The following NAALADL2 variants were observed in gnomAD, a reference collection of about 807,000 sequenced individuals.
NAALADL2 encodes N-acetylated alpha-linked acidic dipeptidase like 2, also known as inactive N-acetylated-alpha-linked acidic dipeptidase-like protein 2.
In NAALADL2, 76 loss-of-function variants were observed where a neutral mutation model predicts 87.2. That is an observed-to-expected ratio of 0.87 (90% CI 0.72 to 1.05). The LOEUF (loss-of-function observed/expected upper bound fraction) is 1.05, where lower values mean the gene tolerates loss of function less well. Among genes scored for constraint, NAALADL2 ranks in the 50% least tolerant of loss-of-function variants. The pLI is 0.00. For missense variants in NAALADL2, 1,089 were observed against 945.8 expected, an observed-to-expected ratio of 1.15 and a Z score of -1.99; for synonymous variants, 354 against 331.0, an observed-to-expected ratio of 1.07 and a Z score of -0.75.
Position 175,717,995 on chromosome 3 carries a change from G to T in NAALADL2, c.1897-19311G>T, listed in dbSNP as rs541335388. Among the ~76,000 whole-genome samples, 101 of 150,544 alleles carry T rather than the reference G, an allele frequency of 6.7e-4. 2 individuals carry two copies. The highest frequency in any genetic ancestry group is 9.3e-4 in the African/African-American group (38 of 40,688). Reference sequence around the variant, plus strand: ...CAGCTAACTTTGCTTGTATTTTTTTGTTGTTGTTGTTATAGCACAACTTAT... The same window carrying T: ...CAGCTAACTTTGCTTGTATTTTTTTTTTGTTGTTGTTATAGCACAACTTAT... On this transcript the variant is annotated intron_variant, in intron 11 of 13. Transcript: ENST00000454872.
rs115284900 is a variant in NAALADL2, at chr3:175,214,958, G to T, written c.546-18973G>T. Among the ~76,000 whole-genome samples, 1,305 of 152,174 alleles carry T rather than the reference G, an allele frequency of 8.6e-3. 3 individuals are homozygous for T. The highest frequency in any genetic ancestry group is 0.017 in the Middle Eastern group (5 of 294). On this transcript the variant is annotated intron_variant, in intron 2 of 13. Coordinates refer to ENST00000454872, the MANE Select transcript of NAALADL2 (RefSeq NM_207015.3). ...CAAGGTATTTTTGTCAATTAATGGGGTTTACTAATTCACTACATGTTTATG... is the reference window on the plus strand; with the variant it reads ...CAAGGTATTTTTGTCAATTAATGGGTTTTACTAATTCACTACATGTTTATG...
At position 175,672,498 on chromosome 3, in the gene NAALADL2, T is replaced by G. The variant is rs1342348483; in HGVS notation, c.1896+45112T>G. Among the ~76,000 whole-genome samples, 4 of 152,172 alleles carry G rather than the reference T, an allele frequency of 2.6e-5. No individual in the cohort carries two copies. In the East Asian group the frequency reaches 5.8e-4, roughly 22 times the overall value. The stretch of plus-strand genomic sequence containing the variant: ...GGCAAAGGGAATAGGATGTTTGTTT[T>G]GTTTGGTTTGTTTTTGTTATTTTAG... On this transcript the variant is annotated intron_variant, in intron 11 of 13. Transcript: ENST00000454872.
chr3:175,598,258 C>A (rs1219291579), intron 10 of NAALADL2, among the ~76,000 whole-genome samples: 1 of 151,848 alleles, frequency 6.6e-6, no homozygotes, highest in Non-Finnish European at 1.5e-5. Context: ...ATACAGTAGG[C>A]TGAATAGATT....
At chr3:175,064,785 G>A (rs564464377) in intron 1 of NAALADL2, among the ~76,000 whole-genome samples, 137 of 152,136 alleles carry the variant, frequency 9.0e-4, no homozygotes, top group Non-Finnish European at 1.7e-3. Flanking sequence ...TGATCTGGAG[G>A]GGCCAGTGAA....
At chr3:175,715,793 T>C (rs1741160686) in intron 11 of NAALADL2, among the ~76,000 whole-genome samples, 1 of 152,046 alleles carries the variant, frequency 6.6e-6, no homozygotes, top group African/African-American at 2.4e-5. Flanking sequence ...AAGAATCACT[T>C]GAACCTGGGA....
At chr3:175,140,045 A>G (rs1361899753) in intron 2 of NAALADL2, among the ~76,000 whole-genome samples, 1 of 152,182 alleles carries the variant, frequency 6.6e-6, no homozygotes, top group Non-Finnish European at 1.5e-5. Context: ...TAATACGGAT[A>G]AACAAAGGGA....
intron 11 of NAALADL2, among the ~76,000 whole-genome samples, chr3:175,634,186 A>C (rs1728191636): frequency 6.6e-6 from 1 of 151,854 alleles, no homozygotes; most frequent in South Asian, 2.1e-4. Context: ...ATTGTTAACC[A>C]TTTCTGTAAT....
intron 9 of NAALADL2, among the ~76,000 whole-genome samples, chr3:175,562,052 G>C (rs1582409364): frequency 6.6e-6 from 1 of 152,286 alleles, no homozygotes; most frequent in East Asian, 1.9e-4. Flanking sequence ...GATCAAATTA[G>C]TCTGTATTTG....
At chr3:175,687,881 G>A (rs543766686) in intron 11 of NAALADL2, among the ~76,000 whole-genome samples, 6 of 151,814 alleles carry the variant, frequency 4.0e-5, no homozygotes, top group East Asian at 3.9e-4. Flanking sequence ...TTCCCCCTTC[G>A]CCTTCCGCCA....
chr3:175,667,227 GAAA>G (rs1560943201), intron 11 of NAALADL2, among the ~76,000 whole-genome samples: 98 of 126,920 alleles, frequency 7.7e-4, no homozygotes, highest in East Asian at 5.6e-3. Context: ...AAGAAAGAAA[GAAA>G]GAAAGAAAGA....
chr3:174,969,313 A>G (rs1743295029), intron 1 of NAALADL2, among the ~76,000 whole-genome samples: 1 of 152,116 alleles, frequency 6.6e-6, no homozygotes. Context: ...TGTTATACAG[A>G]TCCAAGGGAC....
At chr3:175,343,888 C>A (rs1026376281) in intron 5 of NAALADL2, among the ~76,000 whole-genome samples, 2 of 151,646 alleles carry the variant, frequency 1.3e-5, no homozygotes, top group Non-Finnish European at 2.9e-5. Flanking sequence ...TTAGAGTGAC[C>A]TATGTTTTTG....
At chr3:174,672,627 G>A (rs577791510) in intron 2 of NAALADL2, among the ~76,000 whole-genome samples, 1 of 152,230 alleles carries the variant, frequency 6.6e-6, no homozygotes, top group East Asian at 1.9e-4. Flanking sequence ...GGAAGTGTCA[G>A]GGAGCACAGT....
intron 3 of NAALADL2, among the ~76,000 whole-genome samples, chr3:175,255,288 T>G (rs1749738621): frequency 6.6e-6 from 1 of 152,234 alleles, no homozygotes; most frequent in African/African-American, 2.4e-5. Context: ...TTTACAGATC[T>G]CTTGGAGGTA....
chr3:175,783,605 G>A (rs1385307080), intron 13 of NAALADL2, among the ~76,000 whole-genome samples: 1 of 152,066 alleles, frequency 6.6e-6, no homozygotes, highest in African/African-American at 2.4e-5. Context: ...ATTTTGGGCT[G>A]AGACATTGGG....
At chr3:175,183,085 T>C (rs1736831689) in intron 2 of NAALADL2, among the ~76,000 whole-genome samples, 1 of 152,016 alleles carries the variant, frequency 6.6e-6, no homozygotes, top group Admixed American at 6.6e-5. Context: ...AATATGTCAT[T>C]GGAATTTTGT....
chr3:175,188,361 C>A (rs904260734), intron 2 of NAALADL2, among the ~76,000 whole-genome samples: 3 of 152,150 alleles, frequency 2.0e-5, no homozygotes, highest in Middle Eastern at 3.2e-3. Flanking sequence ...TTGCTCCCTA[C>A]ACCTGAGCTG....
chr3:175,631,887 C>G (rs951099347), intron 11 of NAALADL2, among the ~76,000 whole-genome samples: 4 of 151,946 alleles, frequency 2.6e-5, no homozygotes, highest in Non-Finnish European at 4.4e-5. Context: ...TCGTTATTAG[C>G]TATCTATGCA....
chr3:175,093,545 T>C (rs1720564375), intron 1 of NAALADL2, among the ~76,000 whole-genome samples: 1 of 148,240 alleles, frequency 6.7e-6, no homozygotes, highest in African/African-American at 2.4e-5. Flanking sequence ...AATAATTTTA[T>C]ATATGTATAT....
Sources: allele counts gnomAD v4.1 joint callset (sites outside exome capture counted in the v4.1 genomes callset), GRCh38; gene constraint gnomAD v4.1.1; transcripts MANE v1.5; gene names NCBI Gene and HGNC (gene_info 2026-07-23, HGNC 2026-07-21).